Variants in CYB5B observed in about 807,000 individuals in gnomAD.
CYB5B encodes cytochrome b5 type B.
A neutral mutation model predicts 21.3 loss-of-function variants in CYB5B; 14 were observed. The observed-to-expected ratio is 0.66, with a 90% CI of 0.43 to 1.03. The LOEUF (loss-of-function observed/expected upper bound fraction) is 1.03, where lower values mean the gene tolerates loss of function less well. CYB5B is among the 50% of genes least tolerant of loss of function. CYB5B has a pLI of 0.00. For missense variants in CYB5B, 166 were observed against 185.1 expected, an observed-to-expected ratio of 0.90 and a Z score of 0.60; for synonymous variants, 69 against 68.4, an observed-to-expected ratio of 1.01 and a Z score of -0.04.
chr16:69,463,227 C>T lies in CYB5B; in HGVS notation c.*707C>T, dbSNP rs2015053610. 6.6e-6 allele frequency: 1 copy of T among 152,132 alleles called. No homozygotes were observed. The allele number at this position is 152,132 out of a possible 1,614,324, so 9.4% of individuals were successfully genotyped here. ...AAAATACAAAGAATGGTGTGGCCACCTCCTCCCTTTCAAGCTAGGGCAGCA... is the reference window on the plus strand; with the variant it reads ...AAAATACAAAGAATGGTGTGGCCACTTCCTCCCTTTCAAGCTAGGGCAGCA... On this transcript the variant is annotated 3_prime_UTR_variant, in exon 5 of 5. Transcript: ENST00000307892.
intron 1 of CYB5B, among the ~76,000 whole-genome samples, chr16:69,432,181 A>G (rs1454565166): frequency 6.6e-6 from 1 of 152,214 alleles, no homozygotes; most frequent in Non-Finnish European, 1.5e-5. Context: ...CCAAAAGGTA[A>G]TAGAAAACCA....
Position 69,462,680 on chromosome 16 carries a change from G to A in CYB5B, c.*160G>A, listed in dbSNP as rs2015047514. The A allele has an allele frequency of 4.8e-6, 3 of 620,564 alleles. No individual in the cohort carries two copies. The highest frequency in any genetic ancestry group is 4.2e-4 in the Middle Eastern group (1 of 2,354). 38.4% of individuals were successfully genotyped at this position (620,564 alleles called of 1,614,324 possible). A position where few individuals can be genotyped will look rare whatever the true frequency, so the allele number is the denominator to read the frequency against. On this transcript the variant is annotated 3_prime_UTR_variant, in exon 5 of 5. Coordinates refer to ENST00000307892, the MANE Select transcript of CYB5B (RefSeq NM_030579.3). The stretch of plus-strand genomic sequence containing the variant: ...AGACATCACCTCAGATCTGAGACCA[G>A]CGTCTTCCATCTCTCAGAGCCTTAC...
At chr16:69,457,284 T>G (rs1326313924) in intron 3 of CYB5B, among the ~76,000 whole-genome samples, 3 of 152,244 alleles carry the variant, frequency 2.0e-5, no homozygotes, top group South Asian at 2.1e-4. Context: ...CTAAAAGCTT[T>G]GAAATTTAGA....
intron 1 of CYB5B, among the ~76,000 whole-genome samples, chr16:69,430,578 G>T (rs957210339): frequency 9.9e-5 from 15 of 151,968 alleles, no homozygotes; most frequent in African/African-American, 3.6e-4. Flanking sequence ...TTTCCTTACT[G>T]GGTATTACAA....
intron 1 of CYB5B, among the ~76,000 whole-genome samples, chr16:69,428,663 A>G (rs1190342558): frequency 6.6e-6 from 1 of 152,120 alleles, no homozygotes; most frequent in African/African-American, 2.4e-5. Flanking sequence ...ACAAATGAAA[A>G]AAAAAAGAAA....
At chr16:69,462,371 A>T in intron 4 of CYB5B, 59 bp from the exon 5 acceptor site, 2 of 1,337,658 alleles carry the variant, frequency 1.5e-6, no homozygotes, top group Non-Finnish European at 2.2e-6. Flanking sequence ...AAGCTGAAAG[A>T]TAGTGAACAT....
chr16:69,443,281 C>T (rs989059656), intron 1 of CYB5B: 1 of 153,626 alleles, frequency 6.5e-6, no homozygotes, highest in Non-Finnish European at 1.5e-5. Flanking sequence ...GGCCTTTGCC[C>T]ATGAGCTCTT....
Position 69,436,550 on chromosome 16 carries a change from G to T in CYB5B, c.175-10600G>T, listed in dbSNP as rs188444821. Among the ~76,000 whole-genome samples the T allele has an allele frequency of 4.6e-5, 7 of 152,254 alleles. No homozygotes were observed. In the East Asian group the frequency reaches 1.4e-3, roughly 29 times the overall value. On this transcript the variant is annotated intron_variant, in intron 1 of 4. Transcript: ENST00000307892. Reference sequence around the variant, plus strand: ...CCGTTTCCTCCTGTTCACCCCCCAGGTCTGTTATCTTTCTCTGCCCTGCAG... The same window carrying T: ...CCGTTTCCTCCTGTTCACCCCCCAGTTCTGTTATCTTTCTCTGCCCTGCAG...
intron 1 of CYB5B, among the ~76,000 whole-genome samples, chr16:69,427,955 C>T (rs909889862): frequency 2.0e-5 from 3 of 148,190 alleles, no homozygotes; most frequent in South Asian, 2.1e-4. Context: ...AAGATGGTGC[C>T]GTTGCACTCC....
At chr16:69,448,318 C>CAAAA in intron 3 of CYB5B, 174 bp downstream of exon 3, 1 of 696,572 alleles carries the variant, frequency 1.4e-6, no homozygotes, top group East Asian at 2.7e-5. Flanking sequence ...AAAAGAATAG[C>CAAAA]TGAGTCTTGA....
intron 3 of CYB5B, among the ~76,000 whole-genome samples, chr16:69,451,848 C>T (rs2014935539): frequency 6.7e-6 from 1 of 148,520 alleles, no homozygotes; most frequent in Admixed American, 6.9e-5. Context: ...CTACTCGGGG[C>T]AGGAGAATGG....
chr16:69,450,504 C>T (rs1345034668), intron 3 of CYB5B, among the ~76,000 whole-genome samples: 1 of 152,102 alleles, frequency 6.6e-6, no homozygotes, highest in Non-Finnish European at 1.5e-5. Flanking sequence ...GCAAGAAAGG[C>T]CTTTTGGAAC....
At chr16:69,426,806 C>G (rs181487607) in intron 1 of CYB5B, among the ~76,000 whole-genome samples, 1 of 150,724 alleles carries the variant, frequency 6.6e-6, no homozygotes, top group Non-Finnish European at 1.5e-5. Context: ...GTCATACAAT[C>G]AATTAGTAGC....
intron 1 of CYB5B, among the ~76,000 whole-genome samples, chr16:69,439,119 G>T (rs1209776903): frequency 7.9e-5 from 12 of 152,082 alleles, no homozygotes; most frequent in African/African-American, 2.9e-4. Flanking sequence ...TTTATATTAG[G>T]TTGTTGAGTT....
intron 2 of CYB5B, 77 bp downstream of exon 2, chr16:69,447,355 T>C: frequency 2.1e-4 from 304 of 1,433,738 alleles, no homozygotes; most frequent in Non-Finnish European, 2.7e-4. Flanking sequence ...AAGAAATGAA[T>C]TATTGGCTGG....
At chr16:69,440,395 A>G (rs985262486) in intron 1 of CYB5B, among the ~76,000 whole-genome samples, 1 of 152,190 alleles carries the variant, frequency 6.6e-6, no homozygotes, top group Admixed American at 6.5e-5. Flanking sequence ...AGATTTAGCC[A>G]TAAGATGTCA....
chr16:69,459,216 C>A, intron 4 of CYB5B, 95 bp downstream of exon 4: 1 of 1,429,200 alleles, frequency 7.0e-7, no homozygotes, highest in Non-Finnish European at 9.4e-7. Context: ...CTTATGAGTG[C>A]AGTTTGACAA....
At chr16:69,461,079 G>T (rs916363450) in intron 4 of CYB5B, among the ~76,000 whole-genome samples, 2 of 152,128 alleles carry the variant, frequency 1.3e-5, no homozygotes, top group Non-Finnish European at 2.9e-5. Context: ...CTGGGAGGCC[G>T]AGGTGGGTGG....
rs143090420 is a variant in CYB5B, at chr16:69,427,674, C to T, written c.174+2817C>T. ...TGGGAAAAGGTGTGCACCACGACGC[C>T]TGGCTAATTTTTAAAATTTTTTGTA... On this transcript the variant is annotated intron_variant, in intron 1 of 4. Transcript: ENST00000307892. 5.7e-3 allele frequency among the ~76,000 whole-genome samples: 867 copies of T among 152,214 alleles called. 13 individuals carry two copies. The highest frequency in any genetic ancestry group is 0.02 in the African/African-American group (818 of 41,538).
Sources: allele counts gnomAD v4.1 joint callset (sites outside exome capture counted in the v4.1 genomes callset), GRCh38; gene constraint gnomAD v4.1.1; transcripts MANE v1.5; gene names NCBI Gene and HGNC (gene_info 2026-07-23, HGNC 2026-07-21).